The following SGCD variants were observed in gnomAD, a reference collection of about 807,000 sequenced individuals.
The protein encoded by SGCD is sarcoglycan delta.
SGCD carries 18 observed loss-of-function variants against 36.6 expected under a neutral mutation model. That is an observed-to-expected ratio of 0.49 (90% CI 0.34 to 0.73). SGCD has a LOEUF of 0.73. Ranked by LOEUF, SGCD falls within the 30% of genes least tolerant of loss-of-function variation. The pLI, the probability that SGCD is intolerant of heterozygous loss-of-function variation, is 0.01. For synonymous variants in SGCD, 133 were observed against 130.6 expected, an observed-to-expected ratio of 1.02 and a Z score of -0.12; for missense variants, 387 against 346.7, an observed-to-expected ratio of 1.12 and a Z score of -0.92.
chr5:156,595,942 C>G (rs1461108082), intron 6 of SGCD, among the ~76,000 whole-genome samples: 2 of 152,140 alleles, frequency 1.3e-5, no homozygotes, highest in Non-Finnish European at 2.9e-5. Context: ...AATGATCTAG[C>G]ATGGTGATTT....
At chr5:156,520,679 A>T (rs1757361417) in intron 4 of SGCD, among the ~76,000 whole-genome samples, 1 of 152,128 alleles carries the variant, frequency 6.6e-6, no homozygotes. Context: ...GTACTGGTTC[A>T]AGAACAGACA....
intron 3 of SGCD, among the ~76,000 whole-genome samples, chr5:156,163,706 C>A (rs961044845): frequency 6.6e-6 from 1 of 151,524 alleles, no homozygotes; most frequent in African/African-American, 2.4e-5. Context: ...GTTTTGGAAT[C>A]TACCAATATT....
the SGCD span, among the ~76,000 whole-genome samples, chr5:155,792,433 C>CAAAAAAAAAAAAAAAAAAA: frequency 6.5e-5 from 6 of 92,322 alleles, no homozygotes; most frequent in Non-Finnish European, 8.3e-5. Flanking sequence ...TTCTACATAG[C>CAAAAAAAAAAAAAAAAAAA]AAAAAAAAAA....
At chr5:155,964,587 A>G (rs1002095674) in intron 1 of SGCD, among the ~76,000 whole-genome samples, 21 of 152,210 alleles carry the variant, frequency 1.4e-4, no homozygotes, top group African/African-American at 4.1e-4. Flanking sequence ...TTGGCCTCCC[A>G]AAGTGCTAAA....
rs545005342 is a variant in SGCD at position 156,353,887 on chromosome 5, A to G, written c.192+9210A>G. Among the ~76,000 whole-genome samples, 47 of 152,286 alleles carry G rather than the reference A, an allele frequency of 3.1e-4. No individual in the cohort carries two copies. In the South Asian group the frequency reaches 8.3e-3, roughly 27 times the overall value. ...TGGTTTGAAACTTCCTGTGTTTTATACCTTTGTGAGAATGTAAAGCATCAG... is the reference window on the plus strand; with the variant it reads ...TGGTTTGAAACTTCCTGTGTTTTATGCCTTTGTGAGAATGTAAAGCATCAG... On this transcript the variant is annotated intron_variant, in intron 3 of 8. Coordinates refer to ENST00000337851, the MANE Select transcript of SGCD (RefSeq NM_000337.6).
chr5:156,341,310 TTTTTTTA>T (rs1439389241), intron 2 of SGCD, among the ~76,000 whole-genome samples: 1 of 152,142 alleles, frequency 6.6e-6, no homozygotes, highest in African/African-American at 2.4e-5. Context: ...GGAACTCCAC[TTTTTTTA>T]TTTTTTATTT....
intron 7 of SGCD, among the ~76,000 whole-genome samples, chr5:156,650,003 A>ATCT (rs1763401392): frequency 1.3e-5 from 2 of 152,106 alleles, no homozygotes; most frequent in African/African-American, 4.8e-5. Flanking sequence ...GGTAAAGTAA[A>ATCT]TCTTCTGTAC....
At chr5:156,042,484 A>G (rs1232815467) in intron 1 of SGCD, among the ~76,000 whole-genome samples, 1 of 152,192 alleles carries the variant, frequency 6.6e-6, no homozygotes, top group Non-Finnish European at 1.5e-5. Context: ...ATTGCAATAG[A>G]GAAAGAGTTT....
At chr5:156,427,261 C>G (rs1485085619) in intron 3 of SGCD, among the ~76,000 whole-genome samples, 2 of 152,068 alleles carry the variant, frequency 1.3e-5, no homozygotes, top group Non-Finnish European at 2.9e-5. Context: ...TCTGTCACCT[C>G]ATTGGTTAAG....
At chr5:156,250,168 T>C (rs1388480007) in intron 3 of SGCD, among the ~76,000 whole-genome samples, 3 of 152,224 alleles carry the variant, frequency 2.0e-5, no homozygotes, top group Non-Finnish European at 4.4e-5. Context: ...TGATTTCTTC[T>C]TTTTTGTCAT....
intron 1 of SGCD, among the ~76,000 whole-genome samples, chr5:155,990,277 A>G (rs1399834027): frequency 6.6e-6 from 1 of 152,160 alleles, no homozygotes; most frequent in Non-Finnish European, 1.5e-5. Context: ...TTTCCTGAAG[A>G]TACAGCAACA....
intron 3 of SGCD, among the ~76,000 whole-genome samples, chr5:156,199,936 A>G (rs1208535561): frequency 1.3e-5 from 2 of 152,160 alleles, no homozygotes; most frequent in Non-Finnish European, 2.9e-5. Flanking sequence ...GGTTAGGAGT[A>G]TATCACCTAC....
At chr5:156,468,277 A>G (rs1754798056) in intron 3 of SGCD, among the ~76,000 whole-genome samples, 1 of 150,304 alleles carries the variant, frequency 6.7e-6, no homozygotes, top group African/African-American at 2.5e-5. Flanking sequence ...GGAGTTTGAG[A>G]CCACAGTGAG....
chr5:155,777,419 C>T, the SGCD span, among the ~76,000 whole-genome samples: 2 of 150,528 alleles, frequency 1.3e-5, no homozygotes, highest in African/African-American at 4.9e-5. Flanking sequence ...TACAGTGGCA[C>T]AGTTATTGTT....
chr5:156,301,695 G>A (rs1027587420), intron 3 of SGCD, among the ~76,000 whole-genome samples: 8 of 151,918 alleles, frequency 5.3e-5, no homozygotes, highest in South Asian at 2.1e-4. Flanking sequence ...AGATAGATCT[G>A]GTGTTGATAA....
chr5:156,383,871 G>A (rs1012600381), intron 3 of SGCD, among the ~76,000 whole-genome samples: 1 of 152,172 alleles, frequency 6.6e-6, no homozygotes, highest in Admixed American at 6.5e-5. Context: ...TTTAGGGGCA[G>A]TCATCAGAAT....
At chr5:156,677,902 G>C (rs888055604) in intron 7 of SGCD, among the ~76,000 whole-genome samples, 8 of 152,164 alleles carry the variant, frequency 5.3e-5, no homozygotes, top group Non-Finnish European at 8.8e-5. Context: ...GCCAGAAAGA[G>C]TGAAACACCT....
chr5:156,557,054 T>C (rs569410013), intron 4 of SGCD, among the ~76,000 whole-genome samples: 84 of 152,340 alleles, frequency 5.5e-4, no homozygotes, highest in Admixed American at 2.2e-3. Flanking sequence ...TTTTGAGGAC[T>C]AGTGACTTTG....
chr5:156,576,278 T>C (rs1286363213), intron 4 of SGCD, among the ~76,000 whole-genome samples: 1 of 152,214 alleles, frequency 6.6e-6, no homozygotes, highest in African/African-American at 2.4e-5. Flanking sequence ...GGCTACATAG[T>C]ATTCCATGGT....
Sources: allele counts gnomAD v4.1 joint callset (sites outside exome capture counted in the v4.1 genomes callset), GRCh38; gene constraint gnomAD v4.1.1; transcripts MANE v1.5; gene names NCBI Gene and HGNC (gene_info 2026-07-23, HGNC 2026-07-21).